SPG11: variants seen among roughly 807,000 people sequenced by gnomAD.
The protein encoded by SPG11 is spatacsin.
Under a neutral mutation model 274.0 loss-of-function variants are expected in SPG11, and 222 were observed. The ratio of observed to expected loss-of-function variants is 0.81; its 90% CI spans 0.73 to 0.91. The LOEUF (loss-of-function observed/expected upper bound fraction) is 0.91, where lower values mean the gene tolerates loss of function less well. SPG11 is among the 40% of genes least tolerant of loss of function. The pLI is 0.00. For missense variants in SPG11, 3,114 were observed against 2,872.7 expected (o/e 1.08, Z -1.92); for synonymous variants, 1,144 against 1,039.7 (o/e 1.10, Z -1.93).
At chr15:44,652,414 A>C (rs1566827461) in intron 4 of SPG11, 148 bp from the exon 5 acceptor site, 1 of 839,124 alleles carries the variant, frequency 1.2e-6, no homozygotes, top group Non-Finnish European at 1.9e-6. Flanking sequence ...TCCCTTGCTT[A>C]TGTCACAGTA....
chr15:44,603,911 G>A (rs2083257235), intron 20 of SPG11, among the ~76,000 whole-genome samples: 1 of 151,500 alleles, frequency 6.6e-6, no homozygotes, highest in Admixed American at 6.6e-5. Context: ...TTGTTCTTTT[G>A]AATATTTCCC....
chr15:44,602,894 T>C (rs1007296274), intron 20 of SPG11, among the ~76,000 whole-genome samples: 8 of 152,132 alleles, frequency 5.3e-5, no homozygotes, highest in African/African-American at 1.7e-4. Context: ...AGAAAGGCAA[T>C]AGCCAATAAC....
At position 44,657,132 on chromosome 15, in the gene SPG11, T is replaced by C; in HGVS notation, c.832A>G (p.Asn278Asp). The change falls in exon 4 of 40, where the codon AAC becomes GAC. Residue 278 changes from asparagine to aspartate, a missense_variant. Transcript: ENST00000261866. ...LDVAVIVSSS[N>D]SAVALNLNLY... ...TTTAAGTTAAGAGCAACTGCGGAGT[T>C]GGAGGAGCTGACAATCACTGCAACA... 6.2e-7 allele frequency: 1 copy of C among 1,614,168 alleles called. No homozygotes were observed.
Position 44,660,429 on chromosome 15 carries a change from TAC to T in SPG11, c.442+1_442+2del. The T allele has an allele frequency of 6.2e-7, 1 of 1,612,694 alleles. No individual in the cohort carries two copies. Among genetic ancestry groups the T allele is most frequent in the Non-Finnish European group, 8.5e-7 (1 of 1,179,114 alleles). ...TGCTGAAAGACCACCTGTAGATACT[TAC>T]TGATATCTTGATCGTCAATGAGCTT... On this transcript the variant is annotated splice_donor_variant, in intron 2 of 39. Transcript: ENST00000261866. LOFTEE classifies it high-confidence loss of function.
chr15:44,607,053 T>G (rs912243721), intron 19 of SPG11, among the ~76,000 whole-genome samples: 1 of 152,192 alleles, frequency 6.6e-6, no homozygotes, highest in Non-Finnish European at 1.5e-5. Context: ...GACACTTCTG[T>G]CAGTATAAAT....
chr15:44,629,266 T>C lies in SPG11; in HGVS notation c.1858A>G (p.Asn620Asp), dbSNP rs2141044861. The change falls in exon 9 of 40, where the codon AAC becomes GAC. Residue 620 changes from asparagine to aspartate, a missense_variant. Coordinates refer to ENST00000261866, the MANE Select transcript of SPG11 (RefSeq NM_025137.4). Reference sequence around the variant, plus strand: ...TGAATGAAAAGCTCCTTTATTTGGTTGTTAAGGAAAGACAGTGTAAGATTA... The same window carrying C: ...TGAATGAAAAGCTCCTTTATTTGGTCGTTAAGGAAAGACAGTGTAAGATTA... ...LLNLTLSFLN[N>D]QIKELFIHTE... 18 of 1,614,138 alleles carry C rather than the reference T, an allele frequency of 1.1e-5. No homozygotes were observed. The highest frequency in any genetic ancestry group is 1.5e-5 in the Non-Finnish European group (18 of 1,179,992).
At chr15:44,603,883 T>C (rs1157915384) in intron 20 of SPG11, among the ~76,000 whole-genome samples, 3 of 152,138 alleles carry the variant, frequency 2.0e-5, no homozygotes, top group Non-Finnish European at 4.4e-5. Context: ...TTGTTTTTCT[T>C]TTTTTTAAAT....
chr15:44,595,233 G>GA (rs2083004407), intron 26 of SPG11, 26 bp downstream of exon 26: 1 of 1,607,226 alleles, frequency 6.2e-7, no homozygotes, highest in Non-Finnish European at 8.5e-7. Context: ...TTAAGCTCTG[G>GA]AAAGAAGTGA....
intron 1 of SPG11, 104 bp from the exon 2 acceptor site, chr15:44,660,720 C>G (rs2085080633): frequency 9.6e-7 from 1 of 1,041,168 alleles, no homozygotes; most frequent in African/African-American, 1.6e-5. Context: ...GTTTAGTTGA[C>G]CTGGTATAGT....
chr15:44,572,043 C>G (rs1235285995), intron 33 of SPG11, among the ~76,000 whole-genome samples: 2 of 152,238 alleles, frequency 1.3e-5, no homozygotes, highest in Non-Finnish European at 2.9e-5. Context: ...ATCCTCTGCC[C>G]TCGGCCTCTC....
At chr15:44,579,800 A>T (rs1799094337) in intron 30 of SPG11, among the ~76,000 whole-genome samples, 1 of 152,212 alleles carries the variant, frequency 6.6e-6, no homozygotes, top group Admixed American at 6.5e-5. Flanking sequence ...CCATGTTTCC[A>T]TCAACAACGG....
chr15:44,565,186 C>T (rs2082284043), intron 38 of SPG11, among the ~76,000 whole-genome samples: 1 of 152,224 alleles, frequency 6.6e-6, no homozygotes, highest in African/African-American at 2.4e-5. Context: ...ACTTGCTGTA[C>T]TAACCTGAGT....
chr15:44,585,900 AC>A, intron 28 of SPG11, 50 bp from the exon 29 acceptor site: 3 of 1,488,750 alleles, frequency 2.0e-6, no homozygotes, highest in Non-Finnish European at 1.9e-6. Context: ...AAATGCCACT[AC>A]AGCATTTCAA....
chr15:44,582,420 C>T lies in SPG11; in HGVS notation c.5866+1394G>A, dbSNP rs1279248044. 3.9e-5 allele frequency among the ~76,000 whole-genome samples: 6 copies of T among 152,190 alleles called. No homozygotes were observed. In the East Asian group the frequency reaches 5.8e-4, roughly 15 times the overall value. ...AAAAGTAGCCAAGCGTGGTGGTACA[C>T]GCCTGTAATCCCAGCTATTCGGGAG... On this transcript the variant is annotated intron_variant, in intron 30 of 39. Transcript: ENST00000261866.
intron 27 of SPG11, among the ~76,000 whole-genome samples, chr15:44,589,972 A>T (rs901345593): frequency 6.6e-6 from 1 of 152,094 alleles, no homozygotes; most frequent in Admixed American, 6.6e-5. Context: ...ACGCCTGGCT[A>T]ATTTTTTTGT....
intron 18 of SPG11, among the ~76,000 whole-genome samples, chr15:44,610,397 T>A: frequency 6.6e-6 from 1 of 151,992 alleles, no homozygotes; most frequent in Non-Finnish European, 1.5e-5. Flanking sequence ...CTTTTCTTTT[T>A]TTTGAGACGG....
At chr15:44,658,424 A>G (rs2085001302) in intron 3 of SPG11, among the ~76,000 whole-genome samples, 3 of 151,960 alleles carry the variant, frequency 2.0e-5, no homozygotes, top group African/African-American at 2.4e-5. Context: ...GAGGTAGACT[A>G]TATTTATACA....
chr15:44,570,705 C>T, intron 33 of SPG11, 47 bp from the exon 34 acceptor site: 1 of 1,600,056 alleles, frequency 6.2e-7, no homozygotes, highest in Middle Eastern at 1.7e-4. Context: ...CCCTGGCTGC[C>T]CACTGTCAAC....
intron 4 of SPG11, among the ~76,000 whole-genome samples, chr15:44,652,663 T>A (rs1312636235): frequency 2.0e-5 from 3 of 151,776 alleles, no homozygotes; most frequent in Non-Finnish European, 4.4e-5. Context: ...TTTTTCTTTT[T>A]TTTTTTTTTG....
Sources: allele counts gnomAD v4.1 joint callset (sites outside exome capture counted in the v4.1 genomes callset), GRCh38; gene constraint gnomAD v4.1.1; transcripts MANE v1.5; gene names NCBI Gene and HGNC (gene_info 2026-07-23, HGNC 2026-07-21).